The following DNAJC13 variants were observed in gnomAD, a reference collection of about 807,000 sequenced individuals.
The protein encoded by DNAJC13 is dnaJ homolog subfamily C member 13.
Under a neutral mutation model 290.5 loss-of-function variants are expected in DNAJC13, and 75 were observed. That is an observed-to-expected ratio of 0.26 (90% CI 0.21 to 0.31). The LOEUF is 0.31. Among genes scored for constraint, DNAJC13 ranks in the 10% least tolerant of loss-of-function variants. The pLI is 1.00. For synonymous variants in DNAJC13, 862 were observed against 892.0 expected (o/e 0.97, Z 0.60); for missense variants, 2,260 against 2,674.5 (o/e 0.85, Z 3.42).
chr3:132,432,628 A>G (rs540753390), intron 1 of DNAJC13, among the ~76,000 whole-genome samples: 1 of 152,334 alleles, frequency 6.6e-6, no homozygotes, highest in African/African-American at 2.4e-5. Context: ...TATTTTCAAA[A>G]CCTATCAGTC....
intron 1 of DNAJC13, among the ~76,000 whole-genome samples, chr3:132,419,634 A>G (rs114529241): frequency 6.6e-6 from 1 of 152,206 alleles, no homozygotes; most frequent in Non-Finnish European, 1.5e-5. Context: ...ACAGGTGAAT[A>G]TGAGGTTTCT....
Position 132,482,314 on chromosome 3 carries a change from C to T in DNAJC13, c.2963C>T (p.Pro988Leu), listed in dbSNP as rs374646867. 11 of 1,613,168 alleles carry T rather than the reference C, an allele frequency of 6.8e-6. No individual in the cohort carries two copies. Among genetic ancestry groups the T allele is most frequent in the East Asian group, 2.2e-5 (1 of 44,852 alleles). Residue 988 changes from proline (P) to leucine (L), a missense_variant, in exon 27 of 56, where the codon CCG becomes CTG. Transcript: ENST00000260818. ...FGNADKERSG[P>L]YGFHEMQELW... ...AACGCAGACAAAGAAAGGAGTGGCC[C>T]GTATGGATTTCATGAGGTATGTATC...
At chr3:132,505,980 T>G (rs1426120811) in intron 42 of DNAJC13, among the ~76,000 whole-genome samples, 2 of 151,480 alleles carry the variant, frequency 1.3e-5, no homozygotes. Context: ...CTAGAACTCT[T>G]TATAGATAAA....
chr3:132,458,279 T>C (rs1032643495), intron 13 of DNAJC13: 6 of 152,310 alleles, frequency 3.9e-5, no homozygotes, highest in Non-Finnish European at 5.9e-5. Flanking sequence ...CTTTTCCTTA[T>C]ATAAAGTGTT....
chr3:132,454,198 A>G, intron 9 of DNAJC13, 41 bp downstream of exon 9: 1 of 1,404,392 alleles, frequency 7.1e-7, no homozygotes, highest in Non-Finnish European at 9.9e-7. Flanking sequence ...CTAGTTGTGC[A>G]AGGCAAAGTG....
At chr3:132,438,805 T>G (rs1021296183) in intron 2 of DNAJC13, among the ~76,000 whole-genome samples, 9 of 152,190 alleles carry the variant, frequency 5.9e-5, no homozygotes, top group Non-Finnish European at 1.0e-4. Flanking sequence ...CAAAGTAGCT[T>G]CTTCTGCGCT....
intron 2 of DNAJC13, among the ~76,000 whole-genome samples, chr3:132,443,575 C>T (rs1047778012): frequency 1.3e-5 from 2 of 152,104 alleles, no homozygotes; most frequent in African/African-American, 4.8e-5. Context: ...GAAAGTTTAG[C>T]TTTGTTATCC....
intron 13 of DNAJC13, among the ~76,000 whole-genome samples, chr3:132,458,607 C>G (rs1933695328): frequency 6.6e-6 from 1 of 152,062 alleles, no homozygotes; most frequent in Non-Finnish European, 1.5e-5. Context: ...TTTAGGTGCT[C>G]TATGTCAGGA....
chr3:132,514,903 CTGGGATTTTCAGTTTGTT>C, intron 46 of DNAJC13: 1 of 148,554 alleles, frequency 6.7e-6, no homozygotes, highest in Non-Finnish European at 1.2e-5. Context: ...GGAAAATAAC[CTGGGATTTTCAGTTTGTT>C]GAGATCTACA....
At chr3:132,451,471 G>T (rs943161822) in intron 6 of DNAJC13, among the ~76,000 whole-genome samples, 3 of 151,984 alleles carry the variant, frequency 2.0e-5, no homozygotes, top group Non-Finnish European at 4.4e-5. Flanking sequence ...GTAAATTATG[G>T]GGTATAACAG....
At chr3:132,454,960 A>G (rs1385272704) in intron 9 of DNAJC13, among the ~76,000 whole-genome samples, 1 of 152,186 alleles carries the variant, frequency 6.6e-6, no homozygotes, top group Non-Finnish European at 1.5e-5. Flanking sequence ...CTTCTTTGTG[A>G]CTTGGGGTTA....
At chr3:132,489,728 T>G (rs958928469) in intron 31 of DNAJC13, among the ~76,000 whole-genome samples, 1 of 152,092 alleles carries the variant, frequency 6.6e-6, no homozygotes, top group Admixed American at 6.6e-5. Flanking sequence ...CTAAATTATA[T>G]GTTTTATAGA....
At chr3:132,484,141 A>G (rs1934775424) in intron 28 of DNAJC13, among the ~76,000 whole-genome samples, 1 of 152,258 alleles carries the variant, frequency 6.6e-6, no homozygotes, top group Non-Finnish European at 1.5e-5. Flanking sequence ...TGAAGTTTTC[A>G]TGGTTCCAGT....
chr3:132,511,436 A>G (rs1280746880), intron 44 of DNAJC13, among the ~76,000 whole-genome samples, 192 bp downstream of exon 44: 1 of 152,204 alleles, frequency 6.6e-6, no homozygotes, highest in Admixed American at 6.6e-5. Flanking sequence ...TCAAGGCACT[A>G]TGTTTAGAAA....
chr3:132,503,114 C>A, intron 40 of DNAJC13, 100 bp from the exon 41 acceptor site: 1 of 1,276,684 alleles, frequency 7.8e-7, no homozygotes, highest in Non-Finnish European at 1.1e-6. Flanking sequence ...TGACTTTTTA[C>A]TCCTTAAATA....
At chr3:132,470,605 C>T (rs1443099411) in intron 20 of DNAJC13, among the ~76,000 whole-genome samples, 9 of 139,806 alleles carry the variant, frequency 6.4e-5, no homozygotes, top group African/African-American at 1.9e-4. Context: ...GGCGGCTGGC[C>T]GGGCGGGGGG....
chr3:132,425,110 G>C (rs769803529), intron 1 of DNAJC13, among the ~76,000 whole-genome samples: 13 of 151,950 alleles, frequency 8.6e-5, no homozygotes, highest in Non-Finnish European at 1.3e-4. Flanking sequence ...TTTGAATCCA[G>C]TTACAAACAA....
intron 30 of DNAJC13, 30 bp from the exon 31 acceptor site, chr3:132,488,946 A>G (rs767567755): frequency 2.6e-6 from 4 of 1,550,370 alleles, no homozygotes; most frequent in South Asian, 2.2e-5. Flanking sequence ...CGGTTTCTAT[A>G]TCTGATAGAT....
At chr3:132,483,616 G>A (rs1206214237) in intron 28 of DNAJC13, 39 bp downstream of exon 28, 11 of 1,575,118 alleles carry the variant, frequency 7.0e-6, no homozygotes, top group Non-Finnish European at 9.6e-6. Flanking sequence ...TAATTGATAT[G>A]CTTCCTTAGT....
Sources: gnomAD v4.1 joint callset for allele counts (sites outside exome capture counted in the v4.1 genomes callset) on GRCh38, gnomAD v4.1.1 for gene constraint, MANE v1.5 for transcripts, NCBI Gene and HGNC (gene_info 2026-07-23, HGNC 2026-07-21) for gene names.